Variants in CAST observed in about 807,000 individuals in gnomAD.
The protein encoded by CAST is MIR583 host.
In CAST, 76 loss-of-function variants were observed where a neutral mutation model predicts 119.6. The ratio of observed to expected loss-of-function variants is 0.64; its 90% CI spans 0.53 to 0.77. CAST has a LOEUF of 0.77. Ranked by LOEUF, CAST falls within the 30% of genes least tolerant of loss-of-function variation. The pLI is 0.00. For missense variants in CAST, 953 were observed against 946.5 expected (o/e 1.01, Z -0.09); for synonymous variants, 319 against 331.6 (o/e 0.96, Z 0.41).
At chr5:96,502,282 T>G in the CAST span, among the ~76,000 whole-genome samples, 2 of 152,222 alleles carry the variant, frequency 1.3e-5, no homozygotes, top group Non-Finnish European at 2.9e-5. Flanking sequence ...AAGAATATCT[T>G]GACGTGTATT....
intron 2 of CAST, among the ~76,000 whole-genome samples, chr5:96,677,901 A>G (rs1188864749): frequency 2.0e-5 from 3 of 152,170 alleles, no homozygotes; most frequent in Non-Finnish European, 4.4e-5. Flanking sequence ...GTGGCCAAGC[A>G]TGGGGGTGGG....
the CAST span, among the ~76,000 whole-genome samples, chr5:96,469,889 T>TATACAC: frequency 1.4e-5 from 2 of 145,172 alleles, no homozygotes; most frequent in African/African-American, 2.5e-5. Context: ...AATATATATA[T>TATACAC]ACACACACAT....
At chr5:96,662,329 C>CTCCA, upstream of CAST, 1 of 906,742 alleles carries the variant, frequency 1.1e-6, no homozygotes, top group Non-Finnish European at 1.5e-6. Flanking sequence ...CGCTCCCTCC[C>CTCCA]TCCCTCCCTC....
chr5:96,296,523 T>A, the CAST span, among the ~76,000 whole-genome samples: 4 of 152,232 alleles, frequency 2.6e-5, no homozygotes, highest in Non-Finnish European at 4.4e-5. Context: ...TGAAGCATCC[T>A]TTTGTGTCTG....
In CAST at chr5:96,765,327, TAAAAAAAAAAAAA is replaced by T. The variant is rs59338324; in HGVS notation, c.2037+16_2037+28del. Reference sequence around the variant, plus strand: ...AAACCAATGGAAGATAAAGTAAAGGTAAAAAAAAAAAAAAAAAAAAAAAAAATTCACTAATAGT... The same window carrying T: ...AAACCAATGGAAGATAAAGTAAAGGTAAAAAAAAAAAAATTCACTAATAGT... On this transcript the variant is annotated splice_donor_5th_base_variant and intron_variant, in intron 26 of 31. Coordinates refer to ENST00000675179, the MANE Select transcript of CAST (RefSeq NM_001750.7). 4 of 512,292 alleles carry T rather than the reference TAAAAAAAAAAAAA, an allele frequency of 7.8e-6. No homozygotes were observed. The highest frequency in any genetic ancestry group is 7.5e-5 in the East Asian group (2 of 26,644). 31.7% of individuals were successfully genotyped at this position (512,292 alleles called of 1,614,324 possible).
the CAST span, chr5:96,408,310 A>G: frequency 1.2e-6 from 2 of 1,613,784 alleles, no homozygotes; most frequent in Admixed American, 3.3e-5. Context: ...GTCATTGTGC[A>G]GGTCAGCGCT....
chr5:96,189,080 T>C, the CAST span, among the ~76,000 whole-genome samples: 1 of 152,222 alleles, frequency 6.6e-6, no homozygotes, highest in Non-Finnish European at 1.5e-5. Context: ...AATCTTCTCA[T>C]AGCCTGCTGA....
At chr5:96,626,140 C>G (rs1747717906) in intron 1 of CAST, among the ~76,000 whole-genome samples, 1 of 152,178 alleles carries the variant, frequency 6.6e-6, no homozygotes, top group African/African-American at 2.4e-5. Flanking sequence ...AGGACTGATG[C>G]ACTGAGGAAG....
chr5:96,179,135 G>A, the CAST span, among the ~76,000 whole-genome samples: 4 of 152,018 alleles, frequency 2.6e-5, no homozygotes, highest in African/African-American at 9.7e-5. Flanking sequence ...CCTGCTAACT[G>A]CCCCATCCTT....
intron 1 of CAST, among the ~76,000 whole-genome samples, chr5:96,534,869 GA>G (rs1561409151): frequency 2.1e-5 from 3 of 140,406 alleles, no homozygotes; most frequent in Non-Finnish European, 4.7e-5. Context: ...GGGAAGGAAG[GA>G]GAAAGAAAGA....
intron 1 of CAST, among the ~76,000 whole-genome samples, chr5:96,588,427 C>G (rs1242690438): frequency 6.6e-6 from 1 of 152,002 alleles, no homozygotes; most frequent in Non-Finnish European, 1.5e-5. Context: ...GCCTTGATCT[C>G]TTGACCTCAT....
the CAST span, among the ~76,000 whole-genome samples, chr5:96,108,103 G>A: frequency 6.6e-6 from 1 of 151,706 alleles, no homozygotes; most frequent in African/African-American, 2.4e-5. Context: ...CTCTGTATTG[G>A]TTATTCTAGT....
At chr5:96,414,013 C>T in the CAST span, among the ~76,000 whole-genome samples, 1 of 147,156 alleles carries the variant, frequency 6.8e-6, no homozygotes, top group South Asian at 2.2e-4. Flanking sequence ...GTGGCGGGTT[C>T]CTGTAGTCCT....
intron 1 of CAST, among the ~76,000 whole-genome samples, chr5:96,535,411 T>G (rs1745792011): frequency 6.6e-6 from 1 of 152,186 alleles, no homozygotes; most frequent in Non-Finnish European, 1.5e-5. Context: ...TTAAAAATGT[T>G]ATTTAGAAAT....
At chr5:96,085,276 A>C in the CAST span, among the ~76,000 whole-genome samples, 2 of 152,234 alleles carry the variant, frequency 1.3e-5, no homozygotes, top group Non-Finnish European at 2.9e-5. Context: ...TCTACCAGCC[A>C]GGGAAGCAAG....
chr5:96,285,710 T>C, the CAST span, among the ~76,000 whole-genome samples: 1 of 152,216 alleles, frequency 6.6e-6, no homozygotes, highest in East Asian at 1.9e-4. Context: ...TATTTTTGCC[T>C]TAATTCCTAT....
At chr5:96,713,528 T>C (rs899353887) in intron 3 of CAST, among the ~76,000 whole-genome samples, 1 of 152,234 alleles carries the variant, frequency 6.6e-6, no homozygotes, top group South Asian at 2.1e-4. Flanking sequence ...TATATGCTCT[T>C]GCTACCAAGA....
intron 1 of CAST, among the ~76,000 whole-genome samples, chr5:96,628,095 CT>C (rs1274364112): frequency 6.6e-6 from 1 of 152,202 alleles, no homozygotes; most frequent in Non-Finnish European, 1.5e-5. Context: ...GTTAAGCATC[CT>C]TTTAAAGTGC....
At chr5:96,215,579 T>C in the CAST span, 3 of 152,112 alleles carry the variant, frequency 2.0e-5, no homozygotes, top group South Asian at 6.2e-4. Context: ...GGTCCACTTA[T>C]ACATGGATTT....
Sources: allele counts gnomAD v4.1 joint callset (sites outside exome capture counted in the v4.1 genomes callset), GRCh38; gene constraint gnomAD v4.1.1; transcripts MANE v1.5; gene names NCBI Gene and HGNC (gene_info 2026-07-23, HGNC 2026-07-21).